SH3PXD2B: variants seen among roughly 807,000 people sequenced by gnomAD.
SH3PXD2B encodes SH3 and PX domain-containing protein 2B.
Under a neutral mutation model 73.1 loss-of-function variants are expected in SH3PXD2B, and 37 were observed. The ratio of observed to expected loss-of-function variants is 0.51; its 90% CI spans 0.39 to 0.67. The LOEUF (loss-of-function observed/expected upper bound fraction) is 0.67, where lower values mean the gene tolerates loss of function less well. Ranked by LOEUF, SH3PXD2B falls within the 30% of genes least tolerant of loss-of-function variation. The probability of loss-of-function intolerance (pLI) is 0.00; values close to 1 mark genes in which losing one functional copy is unlikely to be tolerated. For missense variants in SH3PXD2B, 1,053 were observed against 1,197.8 expected (o/e 0.88, Z 1.78); for synonymous variants, 457 against 480.5 (o/e 0.95, Z 0.64).
chr5:172,338,681 G>T lies in SH3PXD2B; in HGVS notation c.2424C>A (p.Leu808=), dbSNP rs1188893509. ...LLVPPKAKPF[L]SNSLGGQDDT... ...CATCCTGGCCCCCCAAAGAGTTGGA[G>T]AGAAAAGGTTTGGCTTTTGGAGGGA... The change falls in exon 13 of 13, where the codon CTC becomes CTA. Residue 808 remains leucine, a synonymous_variant. Coordinates refer to ENST00000311601, the MANE Select transcript of SH3PXD2B (RefSeq NM_001017995.3). The surrounding 1 kb of genome is among the most constrained non-coding windows in gnomAD (Gnocchi z 5.1). 6.2e-7 allele frequency: 1 copy of T among 1,614,112 alleles called. No individual in the cohort carries two copies. Among genetic ancestry groups the T allele is most frequent in the African/African-American group, 1.3e-5 (1 of 74,940 alleles).
intron 1 of SH3PXD2B, among the ~76,000 whole-genome samples, chr5:172,426,388 T>C (rs10061005): frequency 0.027 from 4,078 of 152,238 alleles, 188 homozygotes; most frequent in African/African-American, 0.093. Context: ...CCCACCCTTC[T>C]CTCTAAAACA....
intron 8 of SH3PXD2B, chr5:172,356,901 T>A (rs1478567743): frequency 6.6e-6 from 1 of 152,278 alleles, no homozygotes; most frequent in Non-Finnish European, 1.5e-5. Context: ...CTGAGTCTAA[T>A]CCAAGCCCCA....
rs1441914064 is a variant in SH3PXD2B, at chr5:172,454,402, G to C, written c.-50C>G. Reference sequence around the variant, plus strand: ...CCGAGCGCGGGTGCGGGTGGCGCGGGGTGCAGGGAGCGCTGGGGGCGCGCC... The same window carrying C: ...CCGAGCGCGGGTGCGGGTGGCGCGGCGTGCAGGGAGCGCTGGGGGCGCGCC... On this transcript the variant is annotated 5_prime_UTR_variant, in exon 1 of 13. Coordinates refer to ENST00000311601, the MANE Select transcript of SH3PXD2B (RefSeq NM_001017995.3). The C allele has an allele frequency of 1.4e-5, 17 of 1,201,600 alleles. No individual in the cohort carries two copies. The highest frequency in any genetic ancestry group is 1.8e-5 in the Non-Finnish European group (17 of 962,100). 74.4% of individuals were successfully genotyped at this position (1,201,600 alleles called of 1,614,324 possible). A position where few individuals can be genotyped will look rare whatever the true frequency, so the allele number is the denominator to read the frequency against.
Position 172,445,827 on chromosome 5 carries a change from AG to A in SH3PXD2B, c.75+8450del, listed in dbSNP as rs1759647206. The stretch of plus-strand genomic sequence containing the variant: ...CACCTGAAGAAGACCCTGGGCTGAG[AG>A]TCATGCCCGCCTGCAGGTGTGCATC... On this transcript the variant is annotated intron_variant, in intron 1 of 12. Transcript: ENST00000311601. This position sits in a 1 kb window ranked among gnomAD's most constrained non-coding sequence, Gnocchi z 5.2. Among the ~76,000 whole-genome samples, 1 of 152,166 alleles carries A rather than the reference AG, an allele frequency of 6.6e-6. No homozygotes were observed. The highest frequency in any genetic ancestry group is 2.4e-5 in the African/African-American group (1 of 41,444).
intron 6 of SH3PXD2B, among the ~76,000 whole-genome samples, chr5:172,366,181 T>C (rs1757516929): frequency 6.6e-6 from 1 of 151,956 alleles, no homozygotes; most frequent in Non-Finnish European, 1.5e-5. Context: ...GAGCCGCAGG[T>C]TTCACACAGA....
intron 3 of SH3PXD2B, among the ~76,000 whole-genome samples, chr5:172,400,660 T>C (rs1328157011): frequency 6.6e-6 from 1 of 152,230 alleles, no homozygotes; most frequent in Non-Finnish European, 1.5e-5. Flanking sequence ...CATTCTGCTT[T>C]ACTTACCTCC....
At chr5:172,366,606 T>G (rs934225469) in intron 6 of SH3PXD2B, among the ~76,000 whole-genome samples, 1 of 151,670 alleles carries the variant, frequency 6.6e-6, no homozygotes, top group Admixed American at 6.6e-5. Context: ...GACCCTGCAA[T>G]TTATTTATTT....
At chr5:172,408,406 C>T (rs1472659182) in intron 2 of SH3PXD2B, among the ~76,000 whole-genome samples, 2 of 152,028 alleles carry the variant, frequency 1.3e-5, no homozygotes, top group Non-Finnish European at 2.9e-5. Flanking sequence ...GCAGCTGGGA[C>T]TATAGGCGTG....
At chr5:172,398,201 T>C (rs1216316241) in intron 3 of SH3PXD2B, among the ~76,000 whole-genome samples, 2 of 152,268 alleles carry the variant, frequency 1.3e-5, no homozygotes, top group Non-Finnish European at 2.9e-5. Context: ...ATGGGGGCCG[T>C]TGAAACCGGC....
In SH3PXD2B at chr5:172,339,409, C is replaced by A. The variant is rs1245592552; in HGVS notation, c.1696G>T (p.Ala566Ser). 1 of 1,614,204 alleles carries A rather than the reference C, an allele frequency of 6.2e-7. No individual in the cohort carries two copies. The highest frequency in any genetic ancestry group is 1.1e-5 in the South Asian group (1 of 91,086). Residue 566 changes from alanine (A) to serine (S), a missense_variant, in exon 13 of 13, where the codon GCC becomes TCC. Around this residue, in one of 2 missense-constraint regions of SH3PXD2B, gnomAD observed 587 missense variants for 590.7 expected, o/e 0.99. Transcript: ENST00000311601. This position sits in a 1 kb window ranked among gnomAD's most constrained non-coding sequence, Gnocchi z 6.1. ...PPGVILPMMP[A>S]KHIPPARDSR... ...TCCCGGGCTGGAGGGATGTGTTTGG[C>A]TGGCATCATCGGCAAAATCACGCCC... is the stretch of plus-strand genomic sequence containing the variant.
Position 172,334,288 on chromosome 5 carries a change from C to G in SH3PXD2B, c.*4081G>C. On this transcript the variant is annotated 3_prime_UTR_variant, in exon 13 of 13. Coordinates refer to ENST00000311601, the MANE Select transcript of SH3PXD2B (RefSeq NM_001017995.3). ...TGAGCAGGCAAGGACTGTGGAGCCT[C>G]CGGTTCCAGCTCTGCAGCTCTGCCT... 1.0e-6 allele frequency: 1 copy of G among 1,000,966 alleles called. No homozygotes were observed. Among genetic ancestry groups the G allele is most frequent in the Non-Finnish European group, 1.2e-6 (1 of 841,626 alleles). The allele number at this position is 1,000,966 out of a possible 1,614,324, so 62.0% of individuals were successfully genotyped here. A position where few individuals can be genotyped will look rare whatever the true frequency, so the allele number is the denominator to read the frequency against.
chr5:172,379,177 A>G (rs1213590446), intron 5 of SH3PXD2B, among the ~76,000 whole-genome samples: 2 of 151,648 alleles, frequency 1.3e-5, no homozygotes, highest in Non-Finnish European at 2.9e-5. Context: ...TTTAGGGGTA[A>G]TTAGGTCATA....
At chr5:172,355,836 G>A (rs894134942) in intron 8 of SH3PXD2B, among the ~76,000 whole-genome samples, 11 of 152,166 alleles carry the variant, frequency 7.2e-5, no homozygotes, top group Middle Eastern at 3.4e-3. Context: ...GAGCCAGCGC[G>A]CCCAGCCATG....
Position 172,350,361 on chromosome 5 carries a change from A to T in SH3PXD2B, c.1012+2T>A. On this transcript the variant is annotated splice_donor_variant, in intron 10 of 12. Coordinates refer to ENST00000311601, the MANE Select transcript of SH3PXD2B (RefSeq NM_001017995.3). LOFTEE classifies it high-confidence loss of function. ...TCAGGAGCTTGGGCGGGTGTCACTC[A>T]CTCTGCTTGGCGTCACCGTCGGGCA... 6.2e-7 allele frequency: 1 copy of T among 1,613,228 alleles called. No homozygotes were observed.
At chr5:172,354,286 A>G (rs1048639081) in intron 8 of SH3PXD2B, among the ~76,000 whole-genome samples, 2 of 152,140 alleles carry the variant, frequency 1.3e-5, no homozygotes, top group Non-Finnish European at 2.9e-5. Context: ...CACCTTATAC[A>G]GTACTTCCAT....
rs1240781335 is a variant in SH3PXD2B, at chr5:172,421,061, TG to T, written c.156+1354del. ...TCTGTCACTCGCAACAGAAGCATTC[TG>T]ACTGAAAAGAAGACTGTCACGTCAG... On this transcript the variant is annotated intron_variant, in intron 2 of 12. Transcript: ENST00000311601. This position sits in a 1 kb window ranked among gnomAD's most constrained non-coding sequence, Gnocchi z 4.0. 3.3e-5 allele frequency among the ~76,000 whole-genome samples: 5 copies of T among 152,226 alleles called. No homozygotes were observed. In the East Asian group the frequency reaches 9.6e-4, roughly 29 times the overall value.
At position 172,368,482 on chromosome 5, in the gene SH3PXD2B, A is replaced by ATAT. The variant is rs70982394; in HGVS notation, c.427+5307_427+5308insATA. On this transcript the variant is annotated intron_variant, in intron 6 of 12. Coordinates refer to ENST00000311601, the MANE Select transcript of SH3PXD2B (RefSeq NM_001017995.3). ...ATATATATATATTATATATATATAT[A>ATAT]AAATATATATATATTATATATATAT... 1.7e-3 allele frequency among the ~76,000 whole-genome samples: 29 copies of ATAT among 16,716 alleles called. 1 individual carries two copies. The highest frequency in any genetic ancestry group is 4.9e-3 in the East Asian group (1 of 206). The allele number at this position is 16,716 out of a possible 152,430, so 11.0% of individuals were successfully genotyped here.
chr5:172,334,423 C>T lies in SH3PXD2B; in HGVS notation c.*3946G>A. On this transcript the variant is annotated 3_prime_UTR_variant, in exon 13 of 13. Coordinates refer to ENST00000311601, the MANE Select transcript of SH3PXD2B (RefSeq NM_001017995.3). Reference sequence around the variant, plus strand: ...TGCTGCTCTACCTCTCATCAGCCCACAGTCTGACACGAGGTCATCTTTGGT... The same window carrying T: ...TGCTGCTCTACCTCTCATCAGCCCATAGTCTGACACGAGGTCATCTTTGGT... 1 of 988,004 alleles carries T rather than the reference C, an allele frequency of 1.0e-6. No individual in the cohort carries two copies. Among genetic ancestry groups the T allele is most frequent in the Non-Finnish European group, 1.2e-6 (1 of 832,042 alleles). The allele number at this position is 988,004 out of a possible 1,614,324, so 61.2% of individuals were successfully genotyped here. A position where few individuals can be genotyped will look rare whatever the true frequency, so the allele number is the denominator to read the frequency against.
chr5:172,402,322 T>C (rs1159890948), intron 3 of SH3PXD2B, among the ~76,000 whole-genome samples: 1 of 152,218 alleles, frequency 6.6e-6, no homozygotes, highest in East Asian at 1.9e-4. Flanking sequence ...TAAGGTGTTA[T>C]CAATGACAAT....
Sources: gnomAD v4.1 joint callset for allele counts (sites outside exome capture counted in the v4.1 genomes callset) on GRCh38, gnomAD v4.1.1 for gene constraint, gnomAD v4.1.1 regional missense constraint, Gnocchi (gnomAD v3.1) non-coding constraint, MANE v1.5 for transcripts, NCBI Gene and HGNC (gene_info 2026-07-23, HGNC 2026-07-21) for gene names.